Variants in IFT80 observed in about 807,000 individuals in gnomAD.
IFT80 encodes intraflagellar transport 80.
A neutral mutation model predicts 107.9 loss-of-function variants in IFT80; 79 were observed. The ratio of observed to expected loss-of-function variants is 0.73; its 90% CI spans 0.61 to 0.88. The LOEUF (loss-of-function observed/expected upper bound fraction) is 0.88. Among genes scored for constraint, IFT80 ranks in the 40% least tolerant of loss-of-function variants. IFT80 has a pLI of 0.00. For missense variants in IFT80, 797 were observed against 914.2 expected, an observed-to-expected ratio of 0.87 and a Z score of 1.65; for synonymous variants, 299 against 300.9, an observed-to-expected ratio of 0.99 and a Z score of 0.07.
chr3:160,391,945 A>C (rs973411474), intron 1 of IFT80, among the ~76,000 whole-genome samples: 3 of 152,248 alleles, frequency 2.0e-5, no homozygotes, highest in African/African-American at 7.2e-5. Flanking sequence ...TGAGGTAAAC[A>C]GGGATGTAAG....
At chr3:160,388,958 T>C (rs572397290) in intron 1 of IFT80, among the ~76,000 whole-genome samples, 8 of 152,352 alleles carry the variant, frequency 5.3e-5, no homozygotes, top group African/African-American at 1.7e-4. Context: ...CTAGAGATTC[T>C]AGAAAGAAAC....
At chr3:160,340,518 T>C (rs1368391819) in intron 8 of IFT80, among the ~76,000 whole-genome samples, 1 of 152,214 alleles carries the variant, frequency 6.6e-6, no homozygotes, top group African/African-American at 2.4e-5. Flanking sequence ...ATTCAGATTG[T>C]AGGCAGAATT....
At chr3:160,332,727 G>A (rs189899972) in intron 8 of IFT80, among the ~76,000 whole-genome samples, 1 of 152,310 alleles carries the variant, frequency 6.6e-6, no homozygotes, top group East Asian at 1.9e-4. Flanking sequence ...TTTAATAAAC[G>A]ACGATCATTG....
rs74381622 is a variant in IFT80, at chr3:160,398,587, C to T, written c.-47+559G>A. ...AAAAATGCACATAGAATTATGTATA[C>T]AATGTCAGGCGAGTTATGAACTCTG... On this transcript the variant is annotated intron_variant, in intron 1 of 19. Coordinates refer to ENST00000326448, the MANE Select transcript of IFT80 (RefSeq NM_020800.3). 5.5e-3 allele frequency among the ~76,000 whole-genome samples: 830 copies of T among 152,206 alleles called. 7 individuals carry two copies. The highest frequency in any genetic ancestry group is 0.019 in the African/African-American group (803 of 41,532).
At position 160,258,731 on chromosome 3, in the gene IFT80, A is replaced by G; in HGVS notation, c.2224-96T>C. 3 of 1,412,190 alleles carry G rather than the reference A, an allele frequency of 2.1e-6. No individual in the cohort carries two copies. The East Asian group carries it at 7.2e-5, about 34-fold the overall frequency. 87.5% of individuals were successfully genotyped at this position (1,412,190 alleles called of 1,614,324 possible). A position where few individuals can be genotyped will look rare whatever the true frequency, so the allele number is the denominator to read the frequency against. On this transcript the variant is annotated intron_variant, in intron 19 of 19. Transcript: ENST00000326448. ...TAAGAGTAAACAGATAGACTGTGTGACTTCCAAAAGATTAGAGAAAAAGAG... is the reference window on the plus strand; with the variant it reads ...TAAGAGTAAACAGATAGACTGTGTGGCTTCCAAAAGATTAGAGAAAAAGAG...
intron 19 of IFT80, among the ~76,000 whole-genome samples, chr3:160,266,923 T>A (rs1348379148): frequency 6.6e-6 from 1 of 152,144 alleles, no homozygotes; most frequent in Non-Finnish European, 1.5e-5. Flanking sequence ...GCTGCTGTCA[T>A]ATATTATGAA....
intron 19 of IFT80, among the ~76,000 whole-genome samples, chr3:160,260,669 G>A (rs1712753280): frequency 6.6e-6 from 1 of 152,136 alleles, no homozygotes; most frequent in Non-Finnish European, 1.5e-5. Flanking sequence ...TTAATAGTAG[G>A]TTTTAGATAA....
intron 1 of IFT80, among the ~76,000 whole-genome samples, chr3:160,387,847 A>C (rs887170899): frequency 1.3e-5 from 2 of 152,240 alleles, no homozygotes; most frequent in East Asian, 3.8e-4. Flanking sequence ...TGGTAGATTC[A>C]ATGGCCTGGA....
At chr3:160,286,597 G>A (rs1391969539) in intron 12 of IFT80, among the ~76,000 whole-genome samples, 1 of 152,154 alleles carries the variant, frequency 6.6e-6, no homozygotes, top group African/African-American at 2.4e-5. Context: ...ACTCAGGGAA[G>A]GGACCAGAGG....
At chr3:160,374,279 T>TAC (rs1173706962) in intron 5 of IFT80, among the ~76,000 whole-genome samples, 4 of 151,696 alleles carry the variant, frequency 2.6e-5, no homozygotes, top group African/African-American at 9.7e-5. Flanking sequence ...ATCCCGGCTC[T>TAC]ACACATGTAC....
intron 19 of IFT80, among the ~76,000 whole-genome samples, chr3:160,261,742 C>A (rs973339865): frequency 7.0e-6 from 1 of 142,314 alleles, no homozygotes; most frequent in Non-Finnish European, 1.5e-5. Context: ...GTTGAGGCCA[C>A]AGTAAGCTGT....
chr3:160,368,231 G>A (rs1300063342), intron 5 of IFT80, among the ~76,000 whole-genome samples: 1 of 151,546 alleles, frequency 6.6e-6, no homozygotes, highest in Non-Finnish European at 1.5e-5. Flanking sequence ...ATTTCAGTAA[G>A]ACAAATGCTT....
At chr3:160,316,416 G>T (rs916132193) in intron 9 of IFT80, among the ~76,000 whole-genome samples, 6 of 152,150 alleles carry the variant, frequency 3.9e-5, no homozygotes, top group Admixed American at 3.3e-4. Context: ...AAACAGGGGA[G>T]CCTGTTAAGC....
At chr3:160,367,159 T>C (rs1200456004) in intron 5 of IFT80, among the ~76,000 whole-genome samples, 2 of 152,134 alleles carry the variant, frequency 1.3e-5, no homozygotes, top group Admixed American at 6.6e-5. Flanking sequence ...AGTACCACAT[T>C]TTCTTTATCT....
At chr3:160,377,720 A>T (rs1054333284) in intron 3 of IFT80, 180 bp from the exon 4 acceptor site, 11 of 464,468 alleles carry the variant, frequency 2.4e-5, no homozygotes, top group Non-Finnish European at 3.8e-5. Flanking sequence ...TAAATATTTT[A>T]AAATAAATTG....
intron 1 of IFT80, among the ~76,000 whole-genome samples, chr3:160,396,111 A>G (rs1047228268): frequency 6.6e-6 from 1 of 151,852 alleles, no homozygotes; most frequent in Non-Finnish European, 1.5e-5. Context: ...CAGAATTCCA[A>G]CCTACGGAAT....
chr3:160,259,291 C>T (rs576262475), intron 19 of IFT80, among the ~76,000 whole-genome samples: 28 of 152,236 alleles, frequency 1.8e-4, no homozygotes, highest in African/African-American at 6.5e-4. Flanking sequence ...ATTGTGTACA[C>T]GTGCTCAGGG....
rs149201574 is a variant in IFT80 at position 160,269,600 on chromosome 3, T to C, written c.2100-1064A>G. Among the ~76,000 whole-genome samples the C allele has an allele frequency of 4.4e-3, 668 of 152,310 alleles. 2 individuals are homozygous for C. Among genetic ancestry groups the C allele is most frequent in the Admixed American group, 6.9e-3 (106 of 15,298 alleles). ...TGGTATAAACTAAAGACATAAAATA[T>C]ATACACTGATGATAATTTGTAGGAG... On this transcript the variant is annotated intron_variant, in intron 18 of 19. Coordinates refer to ENST00000326448, the MANE Select transcript of IFT80 (RefSeq NM_020800.3).
chr3:160,261,213 T>G (rs1559906581), intron 19 of IFT80, among the ~76,000 whole-genome samples: 1 of 152,082 alleles, frequency 6.6e-6, no homozygotes, highest in South Asian at 2.1e-4. Context: ...ATTCTGATCC[T>G]GTGACACTTT....
Sources: gnomAD v4.1 joint callset for allele counts (sites outside exome capture counted in the v4.1 genomes callset) on GRCh38, gnomAD v4.1.1 for gene constraint, MANE v1.5 for transcripts, NCBI Gene and HGNC (gene_info 2026-07-23, HGNC 2026-07-21) for gene names.